Variants in NKAIN3 observed in about 807,000 individuals in gnomAD.
NKAIN3 encodes sodium/potassium transporting ATPase interacting 3.
In NKAIN3, 25 loss-of-function variants were observed where a neutral mutation model predicts 30.2. That is an observed-to-expected ratio of 0.83 (90% CI 0.60 to 1.16). NKAIN3 has a LOEUF of 1.16. NKAIN3 is among the 50% of genes most tolerant of loss of function. The probability of loss-of-function intolerance (pLI) is 0.00; values close to 1 mark genes in which losing one functional copy is unlikely to be tolerated. For synonymous variants in NKAIN3, 91 were observed against 89.6 expected (o/e 1.02, Z -0.09); for missense variants, 225 against 254.1 (o/e 0.89, Z 0.78).
At chr8:62,295,786 A>G (rs1813807057) in intron 1 of NKAIN3, among the ~76,000 whole-genome samples, 1 of 151,210 alleles carries the variant, frequency 6.6e-6, no homozygotes, top group South Asian at 2.1e-4. Flanking sequence ...TCAACATTTA[A>G]TTAATTAATT....
At chr8:62,947,614 T>G (rs1823161898) in intron 5 of NKAIN3, among the ~76,000 whole-genome samples, 1 of 152,170 alleles carries the variant, frequency 6.6e-6, no homozygotes, top group South Asian at 2.1e-4. Context: ...TCCTGACTAA[T>G]CAAGTTTGGT....
intron 1 of NKAIN3, among the ~76,000 whole-genome samples, chr8:62,302,651 A>C (rs1814088579): frequency 6.6e-6 from 1 of 152,034 alleles, no homozygotes; most frequent in African/African-American, 2.4e-5. Flanking sequence ...AAGGTGCTCA[A>C]TGGGTATTCA....
At chr8:62,299,401 A>C (rs1255736968) in intron 1 of NKAIN3, among the ~76,000 whole-genome samples, 2 of 152,000 alleles carry the variant, frequency 1.3e-5, no homozygotes, top group African/African-American at 2.4e-5. Flanking sequence ...CCCATGTCAG[A>C]AATTTGGCCT....
intron 1 of NKAIN3, among the ~76,000 whole-genome samples, chr8:62,365,030 T>A (rs891376711): frequency 1.3e-5 from 2 of 152,126 alleles, no homozygotes; most frequent in African/African-American, 4.8e-5. Context: ...AGCAACTGAT[T>A]TGTAATTTTC....
chr8:62,975,610 A>G lies in NKAIN3; in HGVS notation c.*10203A>G, dbSNP rs1823924084. 6.6e-6 allele frequency among the ~76,000 whole-genome samples: 1 copy of G among 152,164 alleles called. No individual in the cohort carries two copies. On this transcript the variant is annotated 3_prime_UTR_variant, in exon 7 of 7. Transcript: ENST00000623646. ...AGTATTTTGTTAATCTTTTCAAAAA[A>G]CCATCTCCTGTATTCATTGATTTTT...
chr8:62,580,223 T>A (rs1036608636), intron 2 of NKAIN3, among the ~76,000 whole-genome samples: 1 of 152,192 alleles, frequency 6.6e-6, no homozygotes. Flanking sequence ...TCTCTGTTTG[T>A]CAAGATGAAT....
chr8:62,669,083 G>A (rs183835524), intron 3 of NKAIN3, among the ~76,000 whole-genome samples: 149 of 152,176 alleles, frequency 9.8e-4, no homozygotes, highest in East Asian at 4.6e-3. Context: ...TAAGCTGATC[G>A]TCTCATGCAA....
intron 4 of NKAIN3, among the ~76,000 whole-genome samples, chr8:62,915,550 A>C (rs983674838): frequency 3.9e-5 from 6 of 152,198 alleles, no homozygotes; most frequent in African/African-American, 1.4e-4. Context: ...CAGAACTGTA[A>C]GATTTGTGTT....
rs537633098 is a variant in NKAIN3, at chr8:62,567,131, G to A, written c.55-12408G>A. Among the ~76,000 whole-genome samples the A allele has an allele frequency of 1.7e-3, 262 of 152,018 alleles. 1 individual carries two copies. Among genetic ancestry groups the A allele is most frequent in the Non-Finnish European group, 3.2e-3 (217 of 67,976 alleles). The stretch of plus-strand genomic sequence containing the variant: ...AATGCTACTTCAATGAATTTTTCTG[G>A]AATGAAAACTTCCAGTGGATTCAGG... On this transcript the variant is annotated intron_variant, in intron 1 of 6. Coordinates refer to ENST00000623646, the MANE Select transcript of NKAIN3 (RefSeq NM_001304533.3).
At chr8:62,269,614 G>T (rs1210342393) in intron 1 of NKAIN3, among the ~76,000 whole-genome samples, 1 of 152,150 alleles carries the variant, frequency 6.6e-6, no homozygotes, top group Non-Finnish European at 1.5e-5. Flanking sequence ...CTTGTCTTCA[G>T]TGTTCAAATA....
intron 1 of NKAIN3, among the ~76,000 whole-genome samples, chr8:62,419,338 G>T (rs1388450512): frequency 6.6e-6 from 1 of 152,128 alleles, no homozygotes; most frequent in Non-Finnish European, 1.5e-5. Context: ...GTGAAGCAAT[G>T]CTATGTGCAA....
chr8:62,642,709 T>C (rs1026822411), intron 3 of NKAIN3, among the ~76,000 whole-genome samples: 8 of 152,124 alleles, frequency 5.3e-5, no homozygotes, highest in African/African-American at 1.9e-4. Flanking sequence ...TTGGCTCCTT[T>C]TCCTGCAGAC....
At chr8:62,509,624 C>A (rs1474983097) in intron 1 of NKAIN3, among the ~76,000 whole-genome samples, 1 of 152,106 alleles carries the variant, frequency 6.6e-6, no homozygotes, top group Non-Finnish European at 1.5e-5. Context: ...AGACACGGGC[C>A]CACAATTCCA....
At chr8:62,316,378 C>A (rs888444196) in intron 1 of NKAIN3, among the ~76,000 whole-genome samples, 1 of 151,988 alleles carries the variant, frequency 6.6e-6, no homozygotes, top group Non-Finnish European at 1.5e-5. Context: ...GTGCTGCACC[C>A]ATTAACTCTT....
chr8:62,658,306 C>T (rs988652877), intron 3 of NKAIN3, among the ~76,000 whole-genome samples: 3 of 152,132 alleles, frequency 2.0e-5, no homozygotes, highest in Non-Finnish European at 2.9e-5. Flanking sequence ...ATCATAAACA[C>T]GGCACATCAG....
chr8:62,455,725 T>C (rs1805794892), intron 1 of NKAIN3, among the ~76,000 whole-genome samples: 1 of 152,282 alleles, frequency 6.6e-6, no homozygotes, highest in East Asian at 1.9e-4. Flanking sequence ...CAAGAAAATA[T>C]CAAAGTGTCC....
At chr8:62,895,343 T>C (rs1821399985) in intron 4 of NKAIN3, among the ~76,000 whole-genome samples, 1 of 152,176 alleles carries the variant, frequency 6.6e-6, no homozygotes, top group Non-Finnish European at 1.5e-5. Flanking sequence ...ATAATAACAA[T>C]TGCTTCCTGC....
intron 3 of NKAIN3, among the ~76,000 whole-genome samples, chr8:62,599,465 C>T (rs1255300455): frequency 6.6e-6 from 1 of 152,036 alleles, no homozygotes; most frequent in East Asian, 1.9e-4. Context: ...TAAATAATAC[C>T]TATGCAGGGC....
chr8:62,946,658 A>G (rs1463209052), intron 5 of NKAIN3, among the ~76,000 whole-genome samples: 1 of 152,208 alleles, frequency 6.6e-6, no homozygotes, highest in African/African-American at 2.4e-5. Flanking sequence ...TCACAGTGTA[A>G]TAGCCCCCAT....
Sources: gnomAD v4.1 joint callset for allele counts (sites outside exome capture counted in the v4.1 genomes callset) on GRCh38, gnomAD v4.1.1 for gene constraint, MANE v1.5 for transcripts, NCBI Gene and HGNC (gene_info 2026-07-23, HGNC 2026-07-21) for gene names.